NTNG1: variants seen among roughly 807,000 people sequenced by gnomAD.
The protein encoded by NTNG1 is netrin-G1.
NTNG1 carries 16 observed loss-of-function variants against 54.0 expected under a neutral mutation model. That is an observed-to-expected ratio of 0.30 (90% CI 0.20 to 0.45). The LOEUF is 0.45. NTNG1 is among the 20% of genes least tolerant of loss of function. NTNG1 has a pLI of 1.00. For synonymous variants in NTNG1, 255 were observed against 263.1 expected (o/e 0.97, Z 0.30); for missense variants, 530 against 678.7 (o/e 0.78, Z 2.43).
chr1:107,376,361 T>G (rs1192044383), intron 3 of NTNG1, among the ~76,000 whole-genome samples: 5 of 151,064 alleles, frequency 3.3e-5, no homozygotes, highest in East Asian at 2.0e-4. Context: ...TGAGCCGAGG[T>G]CGCGCCACTG....
chr1:107,152,989 G>T (rs1408253605), intron 2 of NTNG1, among the ~76,000 whole-genome samples: 1 of 152,166 alleles, frequency 6.6e-6, no homozygotes, highest in Non-Finnish European at 1.5e-5. Flanking sequence ...CTGTGCTCTC[G>T]ATAGGCATTT....
intron 7 of NTNG1, among the ~76,000 whole-genome samples, chr1:107,438,557 T>C (rs1380882623): frequency 6.6e-6 from 1 of 151,684 alleles, no homozygotes; most frequent in Non-Finnish European, 1.5e-5. Flanking sequence ...AGAGGAAAAA[T>C]CAAAACCAGC....
intron 2 of NTNG1, among the ~76,000 whole-genome samples, chr1:107,247,321 G>A (rs1662270740): frequency 6.6e-6 from 1 of 152,182 alleles, no homozygotes; most frequent in Admixed American, 6.5e-5. Flanking sequence ...TGAGGCTACA[G>A]AGTGATGAAA....
chr1:107,450,542 A>T (rs1364410823), intron 7 of NTNG1, among the ~76,000 whole-genome samples: 1 of 152,144 alleles, frequency 6.6e-6, no homozygotes, highest in African/African-American at 2.4e-5. Context: ...AACAAATGAC[A>T]TAATAAAACG....
intron 7 of NTNG1, among the ~76,000 whole-genome samples, chr1:107,463,245 A>T (rs1677390226): frequency 6.6e-6 from 1 of 152,246 alleles, no homozygotes; most frequent in South Asian, 2.1e-4. Context: ...TTCTTAGGAA[A>T]TTAACTGATA....
At chr1:107,464,379 T>A (rs890803722) in intron 7 of NTNG1, among the ~76,000 whole-genome samples, 1 of 152,150 alleles carries the variant, frequency 6.6e-6, no homozygotes, top group Non-Finnish European at 1.5e-5. Context: ...CCTGATAGGC[T>A]GAAGGGATGT....
intron 7 of NTNG1, among the ~76,000 whole-genome samples, chr1:107,441,993 G>A (rs1371406207): frequency 1.3e-5 from 2 of 152,088 alleles, no homozygotes; most frequent in Non-Finnish European, 1.5e-5. Flanking sequence ...TATTGTGAGA[G>A]CATATTGTAG....
intron 5 of NTNG1, among the ~76,000 whole-genome samples, chr1:107,411,131 A>G (rs1673770575): frequency 6.6e-6 from 1 of 152,202 alleles, no homozygotes; most frequent in African/African-American, 2.4e-5. Flanking sequence ...AATGACTGGC[A>G]TGATGTTATA....
At chr1:107,210,355 A>G (rs1659517548) in intron 2 of NTNG1, among the ~76,000 whole-genome samples, 1 of 152,190 alleles carries the variant, frequency 6.6e-6, no homozygotes, top group Non-Finnish European at 1.5e-5. Flanking sequence ...AATGATAAAG[A>G]CTTGAATTAA....
intron 1 of NTNG1, among the ~76,000 whole-genome samples, chr1:107,141,843 T>TA (rs1487403013): frequency 1.3e-5 from 2 of 152,202 alleles, no homozygotes; most frequent in Non-Finnish European, 2.9e-5. Flanking sequence ...GGCTTGTCGT[T>TA]ATTTTTTCTT....
At chr1:107,316,469 T>G (rs916416374) in intron 2 of NTNG1, among the ~76,000 whole-genome samples, 4 of 152,198 alleles carry the variant, frequency 2.6e-5, no homozygotes, top group African/African-American at 9.6e-5. Context: ...CCTCCTAGAC[T>G]TCTCTTTCCT....
At chr1:107,453,072 A>G (rs1399970248) in intron 7 of NTNG1, among the ~76,000 whole-genome samples, 1 of 152,160 alleles carries the variant, frequency 6.6e-6, no homozygotes, top group Non-Finnish European at 1.5e-5. Flanking sequence ...ACTGTGGCTT[A>G]CTTTCCTGAA....
intron 7 of NTNG1, among the ~76,000 whole-genome samples, chr1:107,462,725 T>G (rs978131911): frequency 6.6e-6 from 1 of 152,238 alleles, no homozygotes; most frequent in Non-Finnish European, 1.5e-5. Context: ...TCTTACTGTT[T>G]GCCAGATGTT....
intron 2 of NTNG1, among the ~76,000 whole-genome samples, chr1:107,161,797 C>A (rs1277193404): frequency 2.0e-5 from 3 of 149,884 alleles, no homozygotes; most frequent in Non-Finnish European, 4.4e-5. Flanking sequence ...AATCTTTGTC[C>A]CTATTTCCCT....
chr1:107,383,589 A>T (rs980821404), intron 3 of NTNG1, among the ~76,000 whole-genome samples: 6 of 152,206 alleles, frequency 3.9e-5, no homozygotes, highest in African/African-American at 1.4e-4. Context: ...AAGCTCTAGG[A>T]CTATTTTATT....
chr1:107,221,533 C>CA (rs1221216535), intron 2 of NTNG1, among the ~76,000 whole-genome samples: 1 of 152,052 alleles, frequency 6.6e-6, no homozygotes, highest in Non-Finnish European at 1.5e-5. Flanking sequence ...CATTTCCTAC[C>CA]AAAATGTCAG....
intron 6 of NTNG1, among the ~76,000 whole-genome samples, chr1:107,431,468 A>AT (rs1186555469): frequency 2.6e-5 from 4 of 152,118 alleles, no homozygotes; most frequent in African/African-American, 9.7e-5. Flanking sequence ...CATTTATTGA[A>AT]TTTTCCTACA....
chr1:107,445,405 G>A (rs1224547525), intron 7 of NTNG1, among the ~76,000 whole-genome samples: 2 of 151,990 alleles, frequency 1.3e-5, no homozygotes, highest in Non-Finnish European at 2.9e-5. Context: ...CTTATTTCTA[G>A]TAAAGAATTA....
chr1:107,411,135 T>C (rs1423259093), intron 5 of NTNG1, among the ~76,000 whole-genome samples: 1 of 152,194 alleles, frequency 6.6e-6, no homozygotes, highest in Non-Finnish European at 1.5e-5. Flanking sequence ...ACTGGCATGA[T>C]GTTATATGAA....
Sources: gnomAD v4.1 joint callset for allele counts (sites outside exome capture counted in the v4.1 genomes callset) on GRCh38, gnomAD v4.1.1 for gene constraint, MANE v1.5 for transcripts, NCBI Gene and HGNC (gene_info 2026-07-23, HGNC 2026-07-21) for gene names.